ZDHHC13: variants seen among roughly 807,000 people sequenced by gnomAD.
The protein encoded by ZDHHC13 is palmitoyltransferase ZDHHC13.
A neutral mutation model predicts 86.0 loss-of-function variants in ZDHHC13; 85 were observed. The ratio of observed to expected loss-of-function variants is 0.99; its 90% confidence interval spans 0.83 to 1.18. The LOEUF (loss-of-function observed/expected upper bound fraction) is 1.18. ZDHHC13 is among the 50% of genes most tolerant of loss of function. The pLI, the probability that ZDHHC13 is intolerant of heterozygous loss-of-function variation, is 0.00. For synonymous variants in ZDHHC13, 263 were observed against 246.4 expected (o/e 1.07, Z -0.63); for missense variants, 711 against 730.2 (o/e 0.97, Z 0.30).
intron 1 of ZDHHC13, among the ~76,000 whole-genome samples, chr11:19,129,958 C>G (rs1213452618): frequency 6.6e-6 from 1 of 152,050 alleles, no homozygotes; most frequent in South Asian, 2.1e-4. Flanking sequence ...TGTGGTGGCA[C>G]GCATCTGTAG....
chr11:19,148,973 C>CA (rs896375180), intron 4 of ZDHHC13, among the ~76,000 whole-genome samples: 25 of 149,816 alleles, frequency 1.7e-4, no homozygotes, highest in South Asian at 4.2e-4. Context: ...AAACAAAAAA[C>CA]AAAAAAAAAC....
At chr11:19,154,815 G>C (rs1190840743) in intron 8 of ZDHHC13, among the ~76,000 whole-genome samples, 2 of 152,034 alleles carry the variant, frequency 1.3e-5, no homozygotes, top group Non-Finnish European at 2.9e-5. Flanking sequence ...GTTATTTTTG[G>C]TGACTTTGCT....
chr11:19,127,843 G>A (rs1848910706), intron 1 of ZDHHC13, among the ~76,000 whole-genome samples: 1 of 152,096 alleles, frequency 6.6e-6, no homozygotes, highest in East Asian at 1.9e-4. Context: ...TGCTGTTTTG[G>A]TTATTGTAGT....
At chr11:19,150,639 G>C in intron 5 of ZDHHC13, 88 bp from the exon 6 acceptor site, 1 of 1,099,378 alleles carries the variant, frequency 9.1e-7, no homozygotes, top group Non-Finnish European at 1.3e-6. Context: ...TGGTAGTATT[G>C]AATGTATTAA....
intron 1 of ZDHHC13, among the ~76,000 whole-genome samples, chr11:19,136,984 G>A (rs375792131): frequency 7.4e-4 from 113 of 151,946 alleles, no homozygotes; most frequent in East Asian, 6.4e-3. Flanking sequence ...AAAGACCATC[G>A]AGACTAGGAA....
intron 1 of ZDHHC13, among the ~76,000 whole-genome samples, chr11:19,121,754 T>A (rs1848763081): frequency 6.6e-6 from 1 of 152,218 alleles, no homozygotes; most frequent in South Asian, 2.1e-4. Context: ...TAGTGACTAT[T>A]GTAATAGCTC....
rs1260220515 is a variant in ZDHHC13, at chr11:19,117,211, C to G, written c.-39C>G. On this transcript the variant is annotated 5_prime_UTR_variant, in exon 1 of 17. Coordinates refer to ENST00000446113, the MANE Select transcript of ZDHHC13 (RefSeq NM_019028.3). The surrounding 1 kb of genome is among the most constrained non-coding windows in gnomAD (Gnocchi z 4.2). ...GCTGGCGGGCTGGCGGCAGTCGCTACTTGCCTAGTAGCCTCAGCCGCTGTG... is the reference window on the plus strand; with the variant it reads ...GCTGGCGGGCTGGCGGCAGTCGCTAGTTGCCTAGTAGCCTCAGCCGCTGTG... 4.6e-6 allele frequency: 7 copies of G among 1,531,364 alleles called. No homozygotes were observed. Among genetic ancestry groups the G allele is most frequent in the Non-Finnish European group, 6.1e-6 (7 of 1,142,636 alleles). 94.9% of individuals were successfully genotyped at this position (1,531,364 alleles called of 1,614,324 possible).
Position 19,133,365 on chromosome 11 carries a change from A to G in ZDHHC13, c.28-9613A>G, listed in dbSNP as rs558556080. 1.2e-3 allele frequency among the ~76,000 whole-genome samples: 166 copies of G among 142,690 alleles called. 1 individual carries two copies. Among genetic ancestry groups the G allele is most frequent in the African/African-American group, 4.2e-3 (166 of 39,224 alleles). The allele number at this position is 142,690 out of a possible 152,430, so 93.6% of individuals were successfully genotyped here. A position where few individuals can be genotyped will look rare whatever the true frequency, so the allele number is the denominator to read the frequency against. ...GAGAATTGTTTACATATATATATAT[A>G]TATACCCACACACATATATATACAC... On this transcript the variant is annotated intron_variant, in intron 1 of 16. Coordinates refer to ENST00000446113, the MANE Select transcript of ZDHHC13 (RefSeq NM_019028.3).
chr11:19,163,171 A>G (rs1047762547), intron 10 of ZDHHC13, 132 bp from the exon 11 acceptor site: 64 of 860,946 alleles, frequency 7.4e-5, no homozygotes, highest in Non-Finnish European at 1.0e-4. Flanking sequence ...ATAGGATGGG[A>G]AGAGATTTAG....
At chr11:19,122,647 A>G (rs748291129) in intron 1 of ZDHHC13, among the ~76,000 whole-genome samples, 2 of 152,204 alleles carry the variant, frequency 1.3e-5, no homozygotes, top group Non-Finnish European at 2.9e-5. Flanking sequence ...TGGCATATCA[A>G]TAAATGAGAC....
rs375203794 is a variant in ZDHHC13 at position 19,117,239 on chromosome 11, C to T, written c.-11C>T. 1.1e-4 allele frequency: 162 copies of T among 1,520,332 alleles called. No homozygotes were observed. The highest frequency in any genetic ancestry group is 1.3e-4 in the Non-Finnish European group (144 of 1,135,592). The allele number at this position is 1,520,332 out of a possible 1,614,324, so 94.2% of individuals were successfully genotyped here. On this transcript the variant is annotated 5_prime_UTR_variant, in exon 1 of 17. Transcript: ENST00000446113. This position sits in a 1 kb window ranked among gnomAD's most constrained non-coding sequence, Gnocchi z 4.2. Reference sequence around the variant, plus strand: ...GCCTAGTAGCCTCAGCCGCTGTGGGCTCCTGGGGAGATGGAGGGGCCGGGG... The same window carrying T: ...GCCTAGTAGCCTCAGCCGCTGTGGGTTCCTGGGGAGATGGAGGGGCCGGGG...
At chr11:19,145,512 A>G (rs966348790) in intron 2 of ZDHHC13, among the ~76,000 whole-genome samples, 9 of 152,216 alleles carry the variant, frequency 5.9e-5, no homozygotes, top group Admixed American at 5.2e-4. Context: ...CAGAAGGCCC[A>G]TGTGATCTTT....
rs551534653 is a variant in ZDHHC13, at chr11:19,158,180, AT to A, written c.1008-752del. On this transcript the variant is annotated intron_variant, in intron 9 of 16. Coordinates refer to ENST00000446113, the MANE Select transcript of ZDHHC13 (RefSeq NM_019028.3). ...ATTATGGTTATGATCCTGGTAGCTA[AT>A]TTTTTTTAACCCTTCATACCTACTG... Among the ~76,000 whole-genome samples, 759 of 152,018 alleles carry A rather than the reference AT, an allele frequency of 5.0e-3. 7 individuals are homozygous for A. Among genetic ancestry groups the A allele is most frequent in the African/African-American group, 0.017 (702 of 41,488 alleles).
At position 19,117,310 on chromosome 11, in the gene ZDHHC13, C is replaced by A; in HGVS notation, c.27+34C>A. The A allele has an allele frequency of 6.9e-7, 1 of 1,445,076 alleles. No individual in the cohort carries two copies. 89.5% of individuals were successfully genotyped at this position (1,445,076 alleles called of 1,614,324 possible). A position where few individuals can be genotyped will look rare whatever the true frequency, so the allele number is the denominator to read the frequency against. On this transcript the variant is annotated intron_variant, in intron 1 of 16. Coordinates refer to ENST00000446113, the MANE Select transcript of ZDHHC13 (RefSeq NM_019028.3). The surrounding 1 kb of genome is among the most constrained non-coding windows in gnomAD (Gnocchi z 4.2). Reference sequence around the variant, plus strand: ...GGCCGGGCGGTGGCTGTCCTGGGGGCCGGGAGAGCGGCTGCAGCTGTGGAG... The same window carrying A: ...GGCCGGGCGGTGGCTGTCCTGGGGGACGGGAGAGCGGCTGCAGCTGTGGAG...
intron 16 of ZDHHC13, among the ~76,000 whole-genome samples, chr11:19,173,505 G>A (rs566525564): frequency 2.7e-4 from 41 of 152,298 alleles, no homozygotes; most frequent in African/African-American, 9.1e-4. Flanking sequence ...TTGAATGCTC[G>A]CTGCATATCT....
chr11:19,121,935 T>G (rs1446380449), intron 1 of ZDHHC13, among the ~76,000 whole-genome samples: 1 of 152,122 alleles, frequency 6.6e-6, no homozygotes, highest in Non-Finnish European at 1.5e-5. Context: ...GTGTCATCAG[T>G]GCAATCAGGA....
At chr11:19,140,889 G>C (rs1031534712) in intron 1 of ZDHHC13, among the ~76,000 whole-genome samples, 2 of 135,718 alleles carry the variant, frequency 1.5e-5, no homozygotes, top group African/African-American at 5.4e-5. Flanking sequence ...ACACAGGAAG[G>C]GGAACATCAT....
intron 8 of ZDHHC13, among the ~76,000 whole-genome samples, chr11:19,154,092 TA>T (rs1849692040): frequency 1.3e-5 from 2 of 152,212 alleles, no homozygotes. Context: ...TGATGGCCTA[TA>T]GGGCCCTTTG....
intron 2 of ZDHHC13, among the ~76,000 whole-genome samples, chr11:19,145,258 A>C (rs1462506937): frequency 6.6e-6 from 1 of 152,206 alleles, no homozygotes; most frequent in East Asian, 1.9e-4. Context: ...TCTCAAGCCC[A>C]TCATTCCTTT....
Sources: gnomAD v4.1 joint callset for allele counts (sites outside exome capture counted in the v4.1 genomes callset) on GRCh38, gnomAD v4.1.1 for gene constraint, Gnocchi (gnomAD v3.1) non-coding constraint, MANE v1.5 for transcripts, NCBI Gene and HGNC (gene_info 2026-07-23, HGNC 2026-07-21) for gene names.